The following DTNB variants were observed in gnomAD, a reference collection of about 807,000 sequenced individuals.
The protein encoded by DTNB is DTN-B.
DTNB carries 63 observed loss-of-function variants against 90.7 expected under a neutral mutation model. The observed-to-expected ratio is 0.69, with a 90% CI of 0.57 to 0.86. The LOEUF is 0.86. Ranked by LOEUF, DTNB falls within the 40% of genes least tolerant of loss-of-function variation. The probability of loss-of-function intolerance (pLI) is 0.00; values close to 1 mark genes in which losing one functional copy is unlikely to be tolerated. For synonymous variants in DTNB, 277 were observed against 286.7 expected (o/e 0.97, Z 0.34); for missense variants, 744 against 807.1 (o/e 0.92, Z 0.95).
At chr2:25,419,271 T>C in intron 16 of DTNB, 1 of 599,428 alleles carries the variant, frequency 1.7e-6, no homozygotes, top group Non-Finnish European at 3.0e-6. Context: ...CATGCACACT[T>C]CAATGCGCAC....
In DTNB at chr2:25,576,865, C is replaced by T. The variant is rs2060759026; in HGVS notation, c.849G>A (p.Gln283=). 6.2e-7 allele frequency: 1 copy of T among 1,612,820 alleles called. No homozygotes were observed. Among genetic ancestry groups the T allele is most frequent in the Non-Finnish European group, 8.5e-7 (1 of 1,179,382 alleles). ...RGHAGGPHSN[Q]HQMKEHSSWK... is the part of the protein sequence containing the mutation. ...AAGAGGAATGCTCCTTCATCTGGTGCTGGTTGCTGTGAGGGCCGCCGGCAT... is the reference window on the plus strand; with the variant it reads ...AAGAGGAATGCTCCTTCATCTGGTGTTGGTTGCTGTGAGGGCCGCCGGCAT... The change falls in exon 8 of 21, where the codon CAG becomes CAA. Residue 283 remains glutamine (Q), a synonymous_variant. Coordinates refer to ENST00000406818, the MANE Select transcript of DTNB (RefSeq NM_021907.5).
chr2:25,662,553 T>C (rs1450772761), intron 1 of DTNB, among the ~76,000 whole-genome samples: 1 of 152,048 alleles, frequency 6.6e-6, no homozygotes, highest in Non-Finnish European at 1.5e-5. Context: ...CTGGGGGTCA[T>C]GCAAGCCCAT....
intron 8 of DTNB, among the ~76,000 whole-genome samples, chr2:25,543,924 T>C (rs1008852934): frequency 4.6e-5 from 7 of 152,180 alleles, no homozygotes; most frequent in African/African-American, 1.7e-4. Context: ...GATGTTAACA[T>C]ATAGGCACAG....
chr2:25,606,290 G>C (rs1162202114), intron 5 of DTNB, among the ~76,000 whole-genome samples: 2 of 152,024 alleles, frequency 1.3e-5, no homozygotes, highest in Admixed American at 1.3e-4. Context: ...TAAGACTTCA[G>C]TCTCATCCCT....
chr2:25,460,755 G>A (rs2060804839), intron 10 of DTNB, among the ~76,000 whole-genome samples: 1 of 152,106 alleles, frequency 6.6e-6, no homozygotes, highest in African/African-American at 2.4e-5. Context: ...GGAGGTGAAA[G>A]TCTGACTGGG....
At chr2:25,613,640 T>C (rs1438585571) in intron 4 of DTNB, among the ~76,000 whole-genome samples, 2 of 147,080 alleles carry the variant, frequency 1.4e-5, no homozygotes, top group African/African-American at 2.5e-5. Context: ...TTGAACAAAA[T>C]GAGCAAATCA....
chr2:25,388,697 G>GT (rs971553043), intron 16 of DTNB: 2 of 270,734 alleles, frequency 7.4e-6, no homozygotes, highest in African/African-American at 4.4e-5. Context: ...AGGGCAGGAA[G>GT]TAACATGCAA....
At chr2:25,470,231 C>T (rs548352672) in intron 10 of DTNB, among the ~76,000 whole-genome samples, 2 of 151,926 alleles carry the variant, frequency 1.3e-5, no homozygotes, top group Non-Finnish European at 2.9e-5. Flanking sequence ...AGGAGGAAGA[C>T]GTACAAAAAA....
intron 10 of DTNB, among the ~76,000 whole-genome samples, chr2:25,474,969 C>T (rs867595471): frequency 6.6e-5 from 10 of 152,102 alleles, no homozygotes; most frequent in African/African-American, 1.4e-4. Flanking sequence ...GTGTTCTGAC[C>T]GTTTCACTGA....
intron 2 of DTNB, 46 bp from the exon 3 acceptor site, chr2:25,639,140 T>C: frequency 1.3e-6 from 2 of 1,508,876 alleles, no homozygotes; most frequent in Non-Finnish European, 1.8e-6. Flanking sequence ...TACCATTTAG[T>C]TTCCAAACGC....
At chr2:25,593,641 GT>G (rs1573088889) in intron 6 of DTNB, among the ~76,000 whole-genome samples, 1 of 152,068 alleles carries the variant, frequency 6.6e-6, no homozygotes, top group African/African-American at 2.4e-5. Flanking sequence ...CAGGTTGTGA[GT>G]TCAAAGCCCT....
At chr2:25,426,518 T>C (rs1401333246) in intron 15 of DTNB, 1 of 152,260 alleles carries the variant, frequency 6.6e-6, no homozygotes, top group African/African-American at 2.4e-5. Flanking sequence ...CCCCAGGTTC[T>C]TGGGCCTTTG....
At chr2:25,482,481 G>A (rs2065168078) in intron 10 of DTNB, among the ~76,000 whole-genome samples, 1 of 151,932 alleles carries the variant, frequency 6.6e-6, no homozygotes, top group Non-Finnish European at 1.5e-5. Flanking sequence ...CCAAAATATT[G>A]TTTAAGGTTA....
chr2:25,631,313 G>C (rs1375774369), intron 3 of DTNB, among the ~76,000 whole-genome samples: 1 of 152,150 alleles, frequency 6.6e-6, no homozygotes, highest in African/African-American at 2.4e-5. Context: ...CAGAGGCTTG[G>C]TGCAGCGGCT....
chr2:25,431,460 T>C (rs1300783050), intron 14 of DTNB, among the ~76,000 whole-genome samples: 1 of 152,234 alleles, frequency 6.6e-6, no homozygotes, highest in Non-Finnish European at 1.5e-5. Flanking sequence ...CACTTTAAAA[T>C]AGTCCCTCCT....
chr2:25,596,730 G>C (rs951048453), intron 5 of DTNB, among the ~76,000 whole-genome samples: 8 of 152,182 alleles, frequency 5.3e-5, no homozygotes, highest in African/African-American at 1.9e-4. Context: ...GCCTGTGAAA[G>C]AACACATCTG....
chr2:25,616,931 CAAAAAAA>C (rs70947896), intron 4 of DTNB, among the ~76,000 whole-genome samples: 34,199 of 70,510 alleles, frequency 0.49, 5,768 homozygotes, highest in South Asian at 0.58. Flanking sequence ...GACCCCGTCT[CAAAAAAA>C]AAAAAAAAAA....
At chr2:25,506,415 T>C (rs1178727909) in intron 9 of DTNB, among the ~76,000 whole-genome samples, 3 of 151,818 alleles carry the variant, frequency 2.0e-5, no homozygotes, top group Admixed American at 6.6e-5. Flanking sequence ...GGGTTTGTCA[T>C]ACAGGTAAAC....
At position 25,403,473 on chromosome 2, in the gene DTNB, G is replaced by C. The variant is rs560907156; in HGVS notation, c.1576-15112C>G. Reference sequence around the variant, plus strand: ...AAGCCAGTTCTCTGCAAAATGATGAGAGACCTCACCAACCAAGAGAAAAAT... The same window carrying C: ...AAGCCAGTTCTCTGCAAAATGATGACAGACCTCACCAACCAAGAGAAAAAT... On this transcript the variant is annotated intron_variant, in intron 16 of 20. Transcript: ENST00000406818. Among the ~76,000 whole-genome samples, 50 of 152,178 alleles carry C rather than the reference G, an allele frequency of 3.3e-4. No individual in the cohort carries two copies. The South Asian group carries it at 1.0e-2, about 30-fold the overall frequency.
Sources: allele counts gnomAD v4.1 joint callset (sites outside exome capture counted in the v4.1 genomes callset), GRCh38; gene constraint gnomAD v4.1.1; transcripts MANE v1.5; gene names NCBI Gene and HGNC (gene_info 2026-07-23, HGNC 2026-07-21).